Variants in PLAAT3 observed in about 807,000 individuals in gnomAD.
The protein encoded by PLAAT3 is phospholipase A and acyltransferase 3.
Under a neutral mutation model 16.7 loss-of-function variants are expected in PLAAT3, and 21 were observed. The observed-to-expected ratio is 1.26, with a 90% confidence interval of 0.89 to 1.81. PLAAT3 has a LOEUF of 1.81. PLAAT3 is among the 40% of genes most tolerant of loss of function. The pLI is 0.00. For missense variants in PLAAT3, 219 were observed against 213.7 expected (o/e 1.02, Z -0.16); for synonymous variants, 76 against 81.7 (o/e 0.93, Z 0.38).
upstream of PLAAT3, among the ~76,000 whole-genome samples, chr11:63,614,859 C>CA (rs1239604294): frequency 4.0e-5 from 6 of 150,214 alleles, no homozygotes; most frequent in Non-Finnish European, 3.0e-5. Flanking sequence ...ACTAAAAATG[C>CA]AAAAAATTAG....
chr11:63,578,624 G>T (rs534666177), intron 4 of PLAAT3, among the ~76,000 whole-genome samples: 145 of 151,930 alleles, frequency 9.5e-4, no homozygotes, highest in African/African-American at 3.3e-3. Flanking sequence ...AATGGGGAAA[G>T]GATTCCCTAT....
chr11:63,594,299 T>C (rs1216473376), intron 3 of PLAAT3, among the ~76,000 whole-genome samples: 1 of 152,068 alleles, frequency 6.6e-6, no homozygotes, highest in East Asian at 1.9e-4. Flanking sequence ...TTAGGAGATA[T>C]TGACAAATAG....
At chr11:63,596,196 C>T (rs772439135) in intron 3 of PLAAT3, among the ~76,000 whole-genome samples, 24 of 138,122 alleles carry the variant, frequency 1.7e-4, no homozygotes, top group Non-Finnish European at 3.4e-4. Flanking sequence ...GCCGAGATCG[C>T]GCCACTACAC....
intron 2 of PLAAT3, among the ~76,000 whole-genome samples, chr11:63,607,067 T>C (rs1256744699): frequency 6.6e-6 from 1 of 151,934 alleles, no homozygotes; most frequent in Non-Finnish European, 1.5e-5. Context: ...TGGATCTCCT[T>C]TGAAGCTGCA....
intron 4 of PLAAT3, among the ~76,000 whole-genome samples, chr11:63,585,994 G>T (rs1937962118): frequency 6.6e-6 from 1 of 152,006 alleles, no homozygotes; most frequent in Non-Finnish European, 1.5e-5. Context: ...AGGCAGGAGG[G>T]TTGCTAGAGA....
At position 63,574,694 on chromosome 11, in the gene PLAAT3, C is replaced by T. The variant is rs2017635372; in HGVS notation, c.*251G>A. 8.3e-6 allele frequency: 4 copies of T among 483,980 alleles called. No individual in the cohort carries two copies. The highest frequency in any genetic ancestry group is 1.5e-5 in the Non-Finnish European group (4 of 267,732). The allele number at this position is 483,980 out of a possible 1,614,324, so 30.0% of individuals were successfully genotyped here. A position where few individuals can be genotyped will look rare whatever the true frequency, so the allele number is the denominator to read the frequency against. On this transcript the variant is annotated 3_prime_UTR_variant, in exon 5 of 5. Coordinates refer to ENST00000415826, the MANE Select transcript of PLAAT3 (RefSeq NM_001128203.2). The stretch of plus-strand genomic sequence containing the variant: ...CTCCTGCAATGCAAAGAACACAGCA[C>T]GCAAAAAGAAAGTGAAAGACAATCC...
At chr11:63,596,357 C>T (rs745618754) in intron 3 of PLAAT3, among the ~76,000 whole-genome samples, 37 of 151,576 alleles carry the variant, frequency 2.4e-4, no homozygotes, top group Non-Finnish European at 4.4e-4. Context: ...TCTACAGCAG[C>T]GGTCCCCAAC....
chr11:63,579,031 AAAAC>A (rs1392216568), intron 4 of PLAAT3, among the ~76,000 whole-genome samples: 5 of 152,220 alleles, frequency 3.3e-5, no homozygotes, highest in African/African-American at 4.8e-5. Context: ...TACAAGAAAA[AAAAC>A]AAACAACCCC....
At chr11:63,599,334 G>T (rs1938367113) in intron 2 of PLAAT3, among the ~76,000 whole-genome samples, 2 of 152,164 alleles carry the variant, frequency 1.3e-5, no homozygotes, top group Admixed American at 1.3e-4. Context: ...CCTTGAGTCA[G>T]ATCCATAGGG....
rs767130107 is a variant in PLAAT3, at chr11:63,613,981, C to T, written c.15+19G>A. 6.5e-7 allele frequency: 1 copy of T among 1,530,282 alleles called. No homozygotes were observed. Among genetic ancestry groups the T allele is most frequent in the South Asian group, 1.1e-5 (1 of 89,232 alleles). The allele number at this position is 1,530,282 out of a possible 1,614,324, so 94.8% of individuals were successfully genotyped here. A position where few individuals can be genotyped will look rare whatever the true frequency, so the allele number is the denominator to read the frequency against. ...GGGGGCTCCCAGCCCCGCCCAGCCC[C>T]GCCTCGCCCCGCACTTACAATGGGC... On this transcript the variant is annotated intron_variant, in intron 2 of 4. Transcript: ENST00000415826.
At chr11:63,593,068 G>A (rs1198557556) in intron 3 of PLAAT3, among the ~76,000 whole-genome samples, 2 of 152,164 alleles carry the variant, frequency 1.3e-5, no homozygotes, top group Non-Finnish European at 2.9e-5. Context: ...ACACACACCT[G>A]CTCAGTGCAG....
In PLAAT3 at chr11:63,574,767, G is replaced by A. The variant is rs1590676815; in HGVS notation, c.*178C>T. 2 of 595,620 alleles carry A rather than the reference G, an allele frequency of 3.4e-6. No individual in the cohort carries two copies. Among genetic ancestry groups the A allele is most frequent in the East Asian group, 5.6e-5 (2 of 35,542 alleles). 36.9% of individuals were successfully genotyped at this position (595,620 alleles called of 1,614,324 possible). ...TGTTCCCTGAACAGACTTCACACCA[G>A]GCAGTTCTTGCTGCACTTCCCCCAA... On this transcript the variant is annotated 3_prime_UTR_variant, in exon 5 of 5. Transcript: ENST00000415826.
chr11:63,584,282 C>G (rs1937901252), intron 4 of PLAAT3, among the ~76,000 whole-genome samples: 2 of 143,974 alleles, frequency 1.4e-5, no homozygotes, highest in African/African-American at 5.1e-5. Context: ...AGTATAGCTT[C>G]TGGTTGCTTT....
At chr11:63,604,617 G>C (rs759005629) in intron 2 of PLAAT3, among the ~76,000 whole-genome samples, 2 of 151,976 alleles carry the variant, frequency 1.3e-5, no homozygotes, top group Non-Finnish European at 2.9e-5. Context: ...ACAAAAATTA[G>C]CCAGGCATGG....
upstream of PLAAT3, among the ~76,000 whole-genome samples, chr11:63,615,627 A>C (rs1314610447): frequency 6.6e-6 from 1 of 151,848 alleles, no homozygotes; most frequent in Non-Finnish European, 1.5e-5. Flanking sequence ...AATTCTGTAC[A>C]GACCTTGTTG....
intron 3 of PLAAT3, among the ~76,000 whole-genome samples, chr11:63,591,803 G>T (rs920085485): frequency 1.3e-5 from 2 of 152,234 alleles, no homozygotes; most frequent in Non-Finnish European, 2.9e-5. Context: ...TTGTCGGGAG[G>T]ATGAGCTCCT....
chr11:63,613,933 G>C (rs1938759805), intron 2 of PLAAT3, 67 bp downstream of exon 2: 1 of 1,001,874 alleles, frequency 1.0e-6, no homozygotes, highest in South Asian at 1.3e-5. Flanking sequence ...TTCAGGCTCC[G>C]AGACAACGAG....
At chr11:63,579,733 GA>G (rs1937740348) in intron 4 of PLAAT3, among the ~76,000 whole-genome samples, 1 of 93,054 alleles carries the variant, frequency 1.1e-5, no homozygotes, top group South Asian at 4.9e-4. Context: ...GGGGTGGGGG[GA>G]GGGGGGAGGG....
chr11:63,605,099 C>T (rs984674932), intron 2 of PLAAT3, among the ~76,000 whole-genome samples: 12 of 152,112 alleles, frequency 7.9e-5, no homozygotes, highest in South Asian at 2.1e-4. Context: ...AATTTTCAAA[C>T]GTTCAAAATT....
Sources: allele counts gnomAD v4.1 joint callset (sites outside exome capture counted in the v4.1 genomes callset), GRCh38; gene constraint gnomAD v4.1.1; transcripts MANE v1.5; gene names NCBI Gene and HGNC (gene_info 2026-07-23, HGNC 2026-07-21).